The following ARHGAP29 variants were observed in gnomAD, a reference collection of about 807,000 sequenced individuals.
ARHGAP29 encodes Rho GTPase activating protein 29.
Under a neutral mutation model 122.6 loss-of-function variants are expected in ARHGAP29, and 43 were observed. The ratio of observed to expected loss-of-function variants is 0.35; its 90% CI spans 0.27 to 0.45. ARHGAP29 has a LOEUF of 0.45. Ranked by LOEUF, ARHGAP29 falls within the 20% of genes least tolerant of loss-of-function variation. ARHGAP29 has a pLI of 1.00. For synonymous variants in ARHGAP29, 506 were observed against 497.1 expected, an observed-to-expected ratio of 1.02 and a Z score of -0.24; for missense variants, 1,303 against 1,477.2, an observed-to-expected ratio of 0.88 and a Z score of 1.93.
At chr1:94,299,588 G>A in the ARHGAP29 span, among the ~76,000 whole-genome samples, 33,750 of 152,062 alleles carry the variant, frequency 0.22, 4,845 homozygotes, top group Middle Eastern at 0.37. Flanking sequence ...TCGGTGGTGG[G>A]GGGGAACAGA....
chr1:94,297,175 C>A, the ARHGAP29 span, among the ~76,000 whole-genome samples: 3 of 152,058 alleles, frequency 2.0e-5, no homozygotes, highest in Non-Finnish European at 4.4e-5. Context: ...GCTGCAGATA[C>A]CCATCACAGA....
At chr1:94,311,286 G>C in the ARHGAP29 span, among the ~76,000 whole-genome samples, 1 of 152,272 alleles carries the variant, frequency 6.6e-6, no homozygotes, top group African/African-American at 2.4e-5. Context: ...GGAGCTTGCT[G>C]CCTTCGATGA....
chr1:94,262,830 G>A (rs1490343636), intron 1 of ARHGAP29, among the ~76,000 whole-genome samples: 1 of 152,062 alleles, frequency 6.6e-6, no homozygotes, highest in Non-Finnish European at 1.5e-5. Flanking sequence ...AGCCATTGTG[G>A]AAGACAATTT....
At chr1:94,313,000 T>G in the ARHGAP29 span, among the ~76,000 whole-genome samples, 2 of 152,210 alleles carry the variant, frequency 1.3e-5, no homozygotes, top group Admixed American at 1.3e-4. Context: ...CCCTTCCCTG[T>G]ACCCCAGACA....
At chr1:94,248,951 G>T (rs1264484912) in intron 1 of ARHGAP29, among the ~76,000 whole-genome samples, 1 of 152,110 alleles carries the variant, frequency 6.6e-6, no homozygotes, top group Non-Finnish European at 1.5e-5. Context: ...TGGCCTCAAG[G>T]GATCCTCCTG....
At chr1:94,219,628 T>C (rs2101579590) in intron 3 of ARHGAP29, among the ~76,000 whole-genome samples, 1 of 152,298 alleles carries the variant, frequency 6.6e-6, no homozygotes, top group South Asian at 2.1e-4. Flanking sequence ...TCCTGTCTCA[T>C]TTCTTCTCAA....
chr1:94,169,985 A>T lies in ARHGAP29; in HGVS notation c.*3884T>A, dbSNP rs1165789514. Among the ~76,000 whole-genome samples the T allele has an allele frequency of 6.6e-6, 1 of 152,242 alleles. No homozygotes were observed. The highest frequency in any genetic ancestry group is 2.4e-5 in the African/African-American group (1 of 41,458). ...AAGTGAATGAAGGAATAGAGAAGGAAGAGCTCTTCCTTACAGTAGTAGGAT... is the reference window on the plus strand; with the variant it reads ...AAGTGAATGAAGGAATAGAGAAGGATGAGCTCTTCCTTACAGTAGTAGGAT... On this transcript the variant is annotated 3_prime_UTR_variant, in exon 23 of 23. Transcript: ENST00000260526.
Position 94,189,954 on chromosome 1 carries a change from T to C in ARHGAP29, c.1411A>G (p.Asn471Asp), listed in dbSNP as rs776090818. 20 of 1,613,412 alleles carry C rather than the reference T, an allele frequency of 1.2e-5. 1 individual carries two copies. In the South Asian group the frequency reaches 2.1e-4, roughly 17 times the overall value. The part of the protein sequence containing the change: ...QEYSEFVKAT[N>D]STEEEKVDGN... ...TCAACTTTTTCTTCTTCAGTTGAAT[T>C]TGTGGCCTTGACAAATTCACTGTAC... The change falls in exon 13 of 23, where the codon AAT becomes GAT. Residue 471 changes from asparagine to aspartate, a missense_variant. Transcript: ENST00000260526.
upstream of ARHGAP29, among the ~76,000 whole-genome samples, chr1:94,238,765 G>A (rs1390403526): frequency 6.6e-6 from 1 of 152,068 alleles, no homozygotes; most frequent in African/African-American, 2.4e-5. Context: ...AAAAATAAAA[G>A]GAGAGACTAC....
chr1:94,228,753 A>G (rs1291517053), intron 2 of ARHGAP29, among the ~76,000 whole-genome samples: 1 of 151,840 alleles, frequency 6.6e-6, no homozygotes, highest in Non-Finnish European at 1.5e-5. Flanking sequence ...GGGAAAGTAA[A>G]ATGTGGCCAT....
chr1:94,293,278 C>A, the ARHGAP29 span, among the ~76,000 whole-genome samples: 1 of 152,224 alleles, frequency 6.6e-6, no homozygotes, highest in South Asian at 2.1e-4. Flanking sequence ...GCATGGGACC[C>A]ACTGAGCCAG....
chr1:94,287,109 C>T, the ARHGAP29 span, among the ~76,000 whole-genome samples: 1 of 152,162 alleles, frequency 6.6e-6, no homozygotes, highest in African/African-American at 2.4e-5. Context: ...CCACTACCCT[C>T]TTTGAGTTTG....
At position 94,170,690 on chromosome 1, in the gene ARHGAP29, T is replaced by A. The variant is rs918122180; in HGVS notation, c.*3179A>T. Among the ~76,000 whole-genome samples the A allele has an allele frequency of 2.6e-5, 4 of 152,204 alleles. No homozygotes were observed. The highest frequency in any genetic ancestry group is 7.2e-5 in the African/African-American group (3 of 41,464). ...ATATTTTGGTTGGGATTACATTGAA[T>A]CTACAAATGTAAATGAACATCTTTA... On this transcript the variant is annotated 3_prime_UTR_variant, in exon 23 of 23. Transcript: ENST00000260526.
At chr1:94,239,083 T>C (rs1362783555), upstream of ARHGAP29, among the ~76,000 whole-genome samples, 3 of 152,124 alleles carry the variant, frequency 2.0e-5, no homozygotes, top group East Asian at 5.8e-4. Flanking sequence ...CTGCCACAAA[T>C]AGGAAACCTC....
chr1:94,222,837 T>C (rs1652384870), intron 2 of ARHGAP29, among the ~76,000 whole-genome samples: 1 of 152,246 alleles, frequency 6.6e-6, no homozygotes, highest in Admixed American at 6.5e-5. Flanking sequence ...TCAATTTTTC[T>C]GTAAATCTAA....
At chr1:94,214,873 T>C (rs1308876413) in intron 3 of ARHGAP29, among the ~76,000 whole-genome samples, 1 of 152,194 alleles carries the variant, frequency 6.6e-6, no homozygotes, top group Non-Finnish European at 1.5e-5. Flanking sequence ...AAATACATAT[T>C]GCATCATGAC....
chr1:94,240,655 T>A (rs531203820), upstream of ARHGAP29, among the ~76,000 whole-genome samples: 15 of 152,376 alleles, frequency 9.8e-5, no homozygotes, highest in East Asian at 9.6e-4. Flanking sequence ...TAATTTTTTT[T>A]AAATACTTGT....
chr1:94,234,834 A>T (rs1206311612), intron 1 of ARHGAP29, among the ~76,000 whole-genome samples: 1 of 152,210 alleles, frequency 6.6e-6, no homozygotes, highest in African/African-American at 2.4e-5. Flanking sequence ...TAGTTATGAC[A>T]GCTTTTAAAC....
chr1:94,177,310 A>G, intron 22 of ARHGAP29: 1 of 241,566 alleles, frequency 4.1e-6, no homozygotes, highest in Non-Finnish European at 8.0e-6. Context: ...TGCTCAACAC[A>G]TTTCTACCTT....
Sources: gnomAD v4.1 joint callset for allele counts (sites outside exome capture counted in the v4.1 genomes callset) on GRCh38, gnomAD v4.1.1 for gene constraint, MANE v1.5 for transcripts, NCBI Gene and HGNC (gene_info 2026-07-23, HGNC 2026-07-21) for gene names.